Variants in HM13 observed in about 807,000 individuals in gnomAD.
The protein encoded by HM13 is signal peptide peptidase.
In HM13, 18 loss-of-function variants were observed where a neutral mutation model predicts 50.0. The ratio of observed to expected loss-of-function variants is 0.36; its 90% confidence interval spans 0.25 to 0.53. The LOEUF (loss-of-function observed/expected upper bound fraction) is 0.53, where lower values mean the gene tolerates loss of function less well. Among genes scored for constraint, HM13 ranks in the 20% least tolerant of loss-of-function variants. The pLI is 0.90. For synonymous variants in HM13, 197 were observed against 232.6 expected (o/e 0.85, Z 1.39); for missense variants, 393 against 552.4 (o/e 0.71, Z 2.89).
chr20:31,544,516 G>A (rs191790181), intron 3 of HM13, among the ~76,000 whole-genome samples: 3 of 152,198 alleles, frequency 2.0e-5, no homozygotes, highest in African/African-American at 7.2e-5. Flanking sequence ...TGGGGTGGGG[G>A]TGACTGTCAG....
chr20:31,530,153 T>G (rs145077631), intron 2 of HM13, among the ~76,000 whole-genome samples: 3,883 of 151,950 alleles, frequency 0.026, 90 homozygotes, highest in Non-Finnish European at 0.035. Flanking sequence ...AACCGATTCA[T>G]CAATAATGTA....
At chr20:31,550,464 G>C in intron 7 of HM13, 1 of 255,950 alleles carries the variant, frequency 3.9e-6, no homozygotes, top group Non-Finnish European at 7.7e-6. Context: ...GGGTCCCCTT[G>C]GCACCTGAGT....
At chr20:31,518,866 T>TATAGAGAGAG in intron 1 of HM13, among the ~76,000 whole-genome samples, 1 of 149,410 alleles carries the variant, frequency 6.7e-6, no homozygotes, top group African/African-American at 2.5e-5. Flanking sequence ...CATATATATA[T>TATAGAGAGAG]AGAGAGAGAG....
At chr20:31,558,084 G>T (rs745517748) in intron 8 of HM13, among the ~76,000 whole-genome samples, 22 of 152,244 alleles carry the variant, frequency 1.4e-4, no homozygotes, top group Non-Finnish European at 2.9e-4. Flanking sequence ...GCGACACACA[G>T]GGTGTGCGTA....
At chr20:31,548,978 G>A (rs369733678) in intron 4 of HM13, 51 bp from the exon 5 acceptor site, 1 of 1,495,018 alleles carries the variant, frequency 6.7e-7, no homozygotes, top group African/African-American at 1.4e-5. Flanking sequence ...CTGACAGGTG[G>A]GAGGGGTAGC....
chr20:31,537,318 T>C (rs1374428359), intron 2 of HM13, among the ~76,000 whole-genome samples: 1 of 152,176 alleles, frequency 6.6e-6, no homozygotes, highest in East Asian at 1.9e-4. Context: ...GGCCAACAGG[T>C]GGATGTGAGC....
intron 4 of HM13, chr20:31,547,979 AC>A: frequency 1.9e-6 from 3 of 1,574,170 alleles, no homozygotes; most frequent in Non-Finnish European, 2.6e-6. Context: ...GAGAAAGTCA[AC>A]AAAGGAATTG....
intron 3 of HM13, chr20:31,539,458 T>G (rs1983310072): frequency 1.0e-6 from 1 of 985,334 alleles, no homozygotes; most frequent in East Asian, 1.1e-4. Context: ...CTAGAAAGTT[T>G]GTGCACATTG....
chr20:31,531,098 G>T (rs1050656603), intron 2 of HM13, among the ~76,000 whole-genome samples: 1 of 152,112 alleles, frequency 6.6e-6, no homozygotes, highest in Non-Finnish European at 1.5e-5. Flanking sequence ...AGGCTGGAGT[G>T]CAGTGGCACA....
intron 4 of HM13, chr20:31,548,751 T>A (rs1213131194): frequency 2.5e-5 from 12 of 482,252 alleles, no homozygotes; most frequent in Non-Finnish European, 4.5e-5. Flanking sequence ...AGCCTGTGCT[T>A]CTAACACCAA....
intron 1 of HM13, among the ~76,000 whole-genome samples, chr20:31,520,547 G>T (rs879649357): frequency 6.6e-6 from 1 of 152,030 alleles, no homozygotes; most frequent in Non-Finnish European, 1.5e-5. Flanking sequence ...CAAGTGATCC[G>T]CCCACCTCGG....
At chr20:31,525,565 G>A (rs1462374737) in intron 1 of HM13, among the ~76,000 whole-genome samples, 1 of 152,148 alleles carries the variant, frequency 6.6e-6, no homozygotes, top group Non-Finnish European at 1.5e-5. Context: ...GGCATTGCTA[G>A]GACTTTTGGT....
rs6141483 is a variant in HM13 at position 31,548,674 on chromosome 20, C to T, written c.455-355C>T. The T allele has an allele frequency of 1.7e-3, 555 of 326,092 alleles. 10 individuals carry two copies. The East Asian group carries it at 0.034, about 20-fold the overall frequency. 20.2% of individuals were successfully genotyped at this position (326,092 alleles called of 1,614,324 possible). On this transcript the variant is annotated intron_variant, in intron 4 of 12. Coordinates refer to ENST00000398174, the MANE Select transcript of HM13 (RefSeq NM_178581.3). ...AAGGGGTGCTGTTATCCCCTTTTTA[C>T]AGATAAGAAAACTGAAGCTCAGAGA...
intron 8 of HM13, 73 bp downstream of exon 8, chr20:31,554,902 A>G (rs537652314): frequency 1.7e-6 from 2 of 1,211,666 alleles, no homozygotes; most frequent in Non-Finnish European, 1.2e-6. Context: ...GATTACTGCT[A>G]AACAGACAGG....
chr20:31,514,885 C>A lies in HM13; in HGVS notation c.183+151C>A. 1.2e-6 allele frequency: 1 copy of A among 854,914 alleles called. No homozygotes were observed. Among genetic ancestry groups the A allele is most frequent in the Non-Finnish European group, 1.7e-6 (1 of 590,408 alleles). 53.0% of individuals were successfully genotyped at this position (854,914 alleles called of 1,614,324 possible). On this transcript the variant is annotated intron_variant, in intron 1 of 12. Transcript: ENST00000398174. This position sits in a 1 kb window ranked among gnomAD's most constrained non-coding sequence, Gnocchi z 4.3. ...TTCCCTCTGTCTCGGGCCCACATTC[C>A]GGGGCTGGCATTTCCTACCCCGGGA... is the stretch of plus-strand genomic sequence containing the variant.
rs527439712 is a variant in HM13 at position 31,515,382 on chromosome 20, A to G, written c.183+648A>G. 2.6e-5 allele frequency among the ~76,000 whole-genome samples: 4 copies of G among 152,364 alleles called. No individual in the cohort carries two copies. In the South Asian group the frequency reaches 8.3e-4, roughly 32 times the overall value. ...CATCCCAGTCAGCTGGCTCCTCAGA[A>G]GCTGGCATCTTGGTGCCTCTACTTT... On this transcript the variant is annotated intron_variant, in intron 1 of 12. Transcript: ENST00000398174.
At chr20:31,535,638 C>T (rs1983064817) in intron 2 of HM13, 2 of 152,368 alleles carry the variant, frequency 1.3e-5, no homozygotes, top group East Asian at 1.9e-4. Flanking sequence ...AAAGTCTGCT[C>T]ATAGGTCTTT....
intron 10 of HM13, among the ~76,000 whole-genome samples, chr20:31,565,165 C>CAA (rs983329719): frequency 3.2e-4 from 25 of 78,020 alleles, no homozygotes; most frequent in African/African-American, 1.1e-3. Flanking sequence ...GACTCCATCT[C>CAA]AAAAAAAAAA....
chr20:31,566,101 G>A, intron 10 of HM13, 109 bp from the exon 11 acceptor site: 3 of 770,406 alleles, frequency 3.9e-6, no homozygotes, highest in Non-Finnish European at 4.3e-6. Flanking sequence ...TATGGTCCTG[G>A]ACCAGTCACT....
Sources: gnomAD v4.1 joint callset for allele counts (sites outside exome capture counted in the v4.1 genomes callset) on GRCh38, gnomAD v4.1.1 for gene constraint, Gnocchi (gnomAD v3.1) non-coding constraint, MANE v1.5 for transcripts, NCBI Gene and HGNC (gene_info 2026-07-23, HGNC 2026-07-21) for gene names.